Variants in DNAAF2 observed in about 807,000 individuals in gnomAD.
DNAAF2 encodes protein kintoun.
DNAAF2 carries 58 observed loss-of-function variants against 48.8 expected under a neutral mutation model. The observed-to-expected ratio is 1.19, with a 90% CI of 0.96 to 1.48. The LOEUF (loss-of-function observed/expected upper bound fraction) is 1.48, where lower values mean the gene tolerates loss of function less well. Ranked by LOEUF, DNAAF2 falls within the 40% of genes most tolerant of loss-of-function variation. The pLI is 0.00. For synonymous variants in DNAAF2, 567 were observed against 481.2 expected (o/e 1.18, Z -2.33); for missense variants, 1,241 against 1,116.1 (o/e 1.11, Z -1.59).
intron 2 of DNAAF2, among the ~76,000 whole-genome samples, chr14:49,626,473 G>A (rs1487456239): frequency 6.6e-6 from 1 of 151,988 alleles, no homozygotes; most frequent in Non-Finnish European, 1.5e-5. Flanking sequence ...TGGGTGACAG[G>A]GTAAGACCCT....
Position 49,625,542 on chromosome 14 carries a change from T to C in DNAAF2, c.2514A>G (p.Ter838=), listed in dbSNP as rs371013573. The change falls in exon 3 of 3, where the codon TAA becomes TAG. Residue 838 remains the stop codon, a stop_retained_variant. Coordinates refer to ENST00000298292, the MANE Select transcript of DNAAF2 (RefSeq NM_018139.3). ...FQNSLLYDLD[*] is the part of the protein sequence containing the mutation. Reference sequence around the variant, plus strand: ...TTTAAAAGTCCAAAATTATATAGAATTAATCCAAATCATATAGCAAAGAAT... The same window carrying C: ...TTTAAAAGTCCAAAATTATATAGAACTAATCCAAATCATATAGCAAAGAAT... 40 of 1,565,200 alleles carry C rather than the reference T, an allele frequency of 2.6e-5. 5 individuals carry two copies. Among genetic ancestry groups the C allele is most frequent in the Admixed American group, 2.3e-4 (12 of 51,932 alleles).
intron 1 of DNAAF2, among the ~76,000 whole-genome samples, chr14:49,632,412 G>T (rs536581707): frequency 1.3e-5 from 2 of 151,098 alleles, no homozygotes; most frequent in African/African-American, 2.4e-5. Flanking sequence ...AAATTTTCTC[G>T]TAAGTTAAAG....
rs1883265471 is a variant in DNAAF2, at chr14:49,634,286, T to C, written c.864A>G (p.Glu288=). 6.2e-7 allele frequency: 1 copy of C among 1,612,054 alleles called. No individual in the cohort carries two copies. Among genetic ancestry groups the C allele is most frequent in the Non-Finnish European group, 8.5e-7 (1 of 1,179,738 alleles). Residue 288 remains glutamate, a synonymous_variant, in exon 1 of 3, where the codon GAA becomes GAG. Coordinates refer to ENST00000298292, the MANE Select transcript of DNAAF2 (RefSeq NM_018139.3). Reference sequence around the variant, plus strand: ...GCTCGGCCGAGCGCAACAGCGGCAGTTCGATGGTGATCACCAGCTCATGGG... The same window carrying C: ...GCTCGGCCGAGCGCAACAGCGGCAGCTCGATGGTGATCACCAGCTCATGGG... ...PVPHELVITI[E]LPLLRSAEQA...
chr14:49,629,702 C>T (rs1407536366), intron 1 of DNAAF2: 1 of 151,974 alleles, frequency 6.6e-6, no homozygotes, highest in Non-Finnish European at 1.5e-5. Flanking sequence ...ATACAGGTCT[C>T]ACTTTGTTGT....
chr14:49,633,589 A>G lies in DNAAF2; in HGVS notation c.1561T>C (p.Leu521=). ...GGPGTKSGEP[L]CPPLLCNQDK... ...TGATTACACAGTAACGGAGGACACAAAGGCTCCCCGCTCTTGGTCCCGGGA... is the reference window on the plus strand; with the variant it reads ...TGATTACACAGTAACGGAGGACACAGAGGCTCCCCGCTCTTGGTCCCGGGA... Residue 521 remains leucine (L), a synonymous_variant, in exon 1 of 3, where the codon TTG becomes CTG. Transcript: ENST00000298292. The G allele has an allele frequency of 6.2e-7, 1 of 1,613,918 alleles. No individual in the cohort carries two copies. The highest frequency in any genetic ancestry group is 8.5e-7 in the Non-Finnish European group (1 of 1,179,878).
intron 2 of DNAAF2, among the ~76,000 whole-genome samples, chr14:49,627,166 A>G (rs971982030): frequency 2.0e-5 from 3 of 152,158 alleles, no homozygotes; most frequent in Admixed American, 6.6e-5. Flanking sequence ...ATCCTTTCAC[A>G]ACAATAATCC....
rs772331712 is a variant in DNAAF2, at chr14:49,633,511, T to C, written c.1639A>G (p.Ser547Gly). 3 of 1,614,042 alleles carry C rather than the reference T, an allele frequency of 1.9e-6. No individual in the cohort carries two copies. The highest frequency in any genetic ancestry group is 4.5e-5 in the East Asian group (2 of 44,886). ...AGGGGATTCAAATCTCCTTGAAGAC[T>C]TTGCGGCTGGATCCGAGGCACCTGA... is the stretch of plus-strand genomic sequence containing the variant. Reference protein sequence around the residue: ...LIQVPRIQPQSLQGDLNPLWY... With the variant: ...LIQVPRIQPQGLQGDLNPLWY... Residue 547 changes from serine to glycine, a missense_variant, in exon 1 of 3, where the codon AGT becomes GGT. Transcript: ENST00000298292.
At position 49,634,069 on chromosome 14, in the gene DNAAF2, C is replaced by T; in HGVS notation, c.1081G>A (p.Val361Ile). 3 of 1,529,404 alleles carry T rather than the reference C, an allele frequency of 2.0e-6. No homozygotes were observed. Among genetic ancestry groups the T allele is most frequent in the Non-Finnish European group, 2.6e-6 (3 of 1,141,080 alleles). 94.7% of individuals were successfully genotyped at this position (1,529,404 alleles called of 1,614,324 possible). The change falls in exon 1 of 3, where the codon GTC (valine) becomes ATC (isoleucine). Residue 361 changes from valine (V) to isoleucine (I), a missense_variant. By Grantham distance (29) the Val-to-Ile change is conservative (BLOSUM62 3). Coordinates refer to ENST00000298292, the MANE Select transcript of DNAAF2 (RefSeq NM_018139.3). ...GACTCTTCCGGCGCGGCGGCGGCGACGGCGACAGCGGGCTCCCGGCGCGCG... is the reference window on the plus strand; with the variant it reads ...GACTCTTCCGGCGCGGCGGCGGCGATGGCGACAGCGGGCTCCCGGCGCGCG... ...PAARREPAVA[V>I]AAAAPEESAD...
chr14:49,625,710 A>T lies in DNAAF2; in HGVS notation c.2346T>A (p.Asp782Glu). The change falls in exon 3 of 3, where the codon GAT becomes GAA. Residue 782 changes from aspartate to glutamate, a missense_variant. Asp to Glu is a conservative substitution (Grantham distance 45). Coordinates refer to ENST00000298292, the MANE Select transcript of DNAAF2 (RefSeq NM_018139.3). ...ESVITEEKET[D>E]GDHLSSLLNK... is the part of the protein sequence containing the mutation. ...TCAGTAATGAAGATAGGTGATCTCC[A>T]TCTGTTTCTTTCTCTTCAGTTATTA... 2.5e-6 allele frequency: 4 copies of T among 1,613,678 alleles called. No individual in the cohort carries two copies. Among genetic ancestry groups the T allele is most frequent in the Non-Finnish European group, 3.4e-6 (4 of 1,179,740 alleles).
chr14:49,634,526 G>A lies in DNAAF2; in HGVS notation c.624C>T (p.Val208=). Residue 208 remains valine (V), a synonymous_variant, in exon 1 of 3, where the codon GTC becomes GTT. Transcript: ENST00000298292. ...AAVLRTPLPG[V]IPARPDGEPK... Reference sequence around the variant, plus strand: ...GCTCCCCGTCAGGCCTTGCGGGGATGACCCCGGGCAGGGGCGTGCGCAGCA... The same window carrying A: ...GCTCCCCGTCAGGCCTTGCGGGGATAACCCCGGGCAGGGGCGTGCGCAGCA... 1 of 1,601,644 alleles carries A rather than the reference G, an allele frequency of 6.2e-7. No individual in the cohort carries two copies. Among genetic ancestry groups the A allele is most frequent in the East Asian group, 2.2e-5 (1 of 44,842 alleles).
intron 1 of DNAAF2, chr14:49,629,655 CT>C (rs1883101420): frequency 6.6e-6 from 1 of 151,738 alleles, no homozygotes; most frequent in South Asian, 2.1e-4. Context: ...CAGAGTGAGA[CT>C]CTGTCTCAAA....
Position 49,635,087 on chromosome 14 carries a change from C to A in DNAAF2, c.63G>T (p.Gln21His). ...EDLDLSGEEV[Q>H]RLTSAFQDPE... is the part of the protein sequence containing the mutation. ...GGTCCTGGAAGGCGGAGGTGAGCCG[C>A]TGGACCTCCTCTCCGCTCAGGTCCA... The change falls in exon 1 of 3, where the codon CAG (glutamine) becomes CAT (histidine). Residue 21 changes from glutamine to histidine, a missense_variant. By Grantham distance (24) the Gln-to-His change is conservative. Coordinates refer to ENST00000298292, the MANE Select transcript of DNAAF2 (RefSeq NM_018139.3). 1 of 1,582,980 alleles carries A rather than the reference C, an allele frequency of 6.3e-7. No individual in the cohort carries two copies. Among genetic ancestry groups the A allele is most frequent in the Non-Finnish European group, 8.6e-7 (1 of 1,165,524 alleles).
rs757904872 is a variant in DNAAF2, at chr14:49,633,813, GA to G, written c.1336del (p.Ser446HisfsTer89). 6.3e-7 allele frequency: 1 copy of G among 1,585,814 alleles called. No individual in the cohort carries two copies. The highest frequency in any genetic ancestry group is 8.5e-7 in the Non-Finnish European group (1 of 1,173,500). The part of the protein sequence containing the change: ...GEQDLSRHAG[S>X]PPGSVEEPSP... ...TGGCTCCTCCACGCTGCCCGGCGGT[GA>G]CCCCGCGTGCCTGCTCAAGTCCTGC... On this transcript the variant is annotated frameshift_variant, in exon 1 of 3. Transcript: ENST00000298292. LOFTEE classifies it high-confidence loss of function.
intron 1 of DNAAF2, 100 bp downstream of exon 1, chr14:49,633,187 T>A: frequency 7.1e-7 from 1 of 1,399,704 alleles, no homozygotes; most frequent in Non-Finnish European, 9.7e-7. Flanking sequence ...CCCAAAATGC[T>A]GGGATTACAG....
In DNAAF2 at chr14:49,633,965, C is replaced by A. The variant is rs2985686; in HGVS notation, c.1185G>T (p.Ala395=). The A allele has an allele frequency of 2.0e-6, 3 of 1,527,712 alleles. No homozygotes were observed. The highest frequency in any genetic ancestry group is 2.4e-5 in the South Asian group (2 of 83,236). The allele number at this position is 1,527,712 out of a possible 1,614,324, so 94.6% of individuals were successfully genotyped here. Residue 395 remains alanine, a synonymous_variant, in exon 1 of 3, where the codon GCG becomes GCT. Coordinates refer to ENST00000298292, the MANE Select transcript of DNAAF2 (RefSeq NM_018139.3). ...CGCAGGTATCGTGGCCTCCGTCCTCCGCGCGACTCCTCGCGGGTCCCGCCT... is the reference window on the plus strand; with the variant it reads ...CGCAGGTATCGTGGCCTCCGTCCTCAGCGCGACTCCTCGCGGGTCCCGCCT... ...EGEAGPARSR[A]EDGGHDTCVA...
intron 2 of DNAAF2, among the ~76,000 whole-genome samples, chr14:49,626,661 G>A (rs375496753): frequency 6.6e-6 from 1 of 151,728 alleles, no homozygotes; most frequent in African/African-American, 2.4e-5. Flanking sequence ...GCACCACCAC[G>A]CCCGGCTAAT....
chr14:49,633,837 T>G lies in DNAAF2; in HGVS notation c.1313A>C (p.Gln438Pro). 1 of 1,571,522 alleles carries G rather than the reference T, an allele frequency of 6.4e-7. No homozygotes were observed. Among genetic ancestry groups the G allele is most frequent in the Non-Finnish European group, 8.6e-7 (1 of 1,166,634 alleles). ...GEERVPKPGE[Q>P]DLSRHAGSPP... ...TGACCCCGCGTGCCTGCTCAAGTCC[T>G]GCTCCCCCGGCTTGGGGACACGCTC... is the stretch of plus-strand genomic sequence containing the variant. The change falls in exon 1 of 3, where the codon CAG (glutamine) becomes CCG (proline). Residue 438 changes from glutamine to proline, a missense_variant. Physicochemically the swap from Gln to Pro is moderately conservative, Grantham distance 76. Transcript: ENST00000298292.
At position 49,633,308 on chromosome 14, in the gene DNAAF2, A is replaced by T; in HGVS notation, c.1842T>A (p.Gly614=). 6.2e-7 allele frequency: 1 copy of T among 1,613,776 alleles called. No homozygotes were observed. The highest frequency in any genetic ancestry group is 2.2e-5 in the East Asian group (1 of 44,878). Residue 614 remains glycine (G), a synonymous_variant, in exon 1 of 3, where the codon GGT becomes GGA. Transcript: ENST00000298292. The part of the protein sequence containing the change: ...SHGHWREWYY[G]VNNDSLEERL... ...TTACCTCCAAAGAATCGTTGTTTAC[A>T]CCATAATACCACTCTCTCCAATGTC...
At chr14:49,626,685 G>T (rs1883016311) in intron 2 of DNAAF2, among the ~76,000 whole-genome samples, 1 of 150,816 alleles carries the variant, frequency 6.6e-6, no homozygotes, top group South Asian at 2.1e-4. Context: ...TGTATTTTTA[G>T]TAGACACAGG....
Sources: allele counts gnomAD v4.1 joint callset (sites outside exome capture counted in the v4.1 genomes callset), GRCh38; gene constraint gnomAD v4.1.1; transcripts MANE v1.5; gene names NCBI Gene and HGNC (gene_info 2026-07-23, HGNC 2026-07-21).